Variants in MPRIP observed in about 807,000 individuals in gnomAD.
The protein encoded by MPRIP is myosin phosphatase Rho-interacting protein.
In MPRIP, 59 loss-of-function variants were observed where a neutral mutation model predicts 234.9. The observed-to-expected ratio is 0.25, with a 90% CI of 0.20 to 0.31. The LOEUF is 0.31. MPRIP is among the 10% of genes least tolerant of loss of function. The probability of loss-of-function intolerance (pLI) is 1.00; values close to 1 mark genes in which losing one functional copy is unlikely to be tolerated. For missense variants in MPRIP, 2,436 were observed against 3,071.0 expected (o/e 0.79, Z 4.89); for synonymous variants, 1,144 against 1,263.9 (o/e 0.91, Z 2.01).
rs919363155 is a variant in MPRIP, at chr17:17,165,708, A to G, written c.4117A>G (p.Thr1373Ala). 8 of 1,304,958 alleles carry G rather than the reference A, an allele frequency of 6.1e-6. No homozygotes were observed. The highest frequency in any genetic ancestry group is 6.1e-5 in the African/African-American group (4 of 65,878). The allele number at this position is 1,304,958 out of a possible 1,614,324, so 80.8% of individuals were successfully genotyped here. A position where few individuals can be genotyped will look rare whatever the true frequency, so the allele number is the denominator to read the frequency against. Residue 1373 changes from threonine to alanine, a missense_variant, in exon 16 of 24, where the codon ACT (threonine) becomes GCT (alanine). By Grantham distance (58) the Thr-to-Ala change is moderately conservative (BLOSUM62 0). Around this residue, in one of 4 missense-constraint regions of MPRIP, gnomAD observed 1,998 missense variants for 2,520.3 expected, o/e 0.79. Coordinates refer to ENST00000651222, the MANE Select transcript of MPRIP (RefSeq NM_001364716.4). ...SEPAPSVLPA[T>A]GDSDTYLSII... ...GCCTGCACCCAGTGTACTGCCTGCA[A>G]CTGGCGACTCTGACACGTACCTCTC...
Position 17,078,850 on chromosome 17 carries a change from C to T in MPRIP, c.267+774C>T, listed in dbSNP as rs771295592. ...AAGGGTTGAAGATGCGAGATTTGAT[C>T]GCCTTTTCCAGTTCCACTTGGTGGG... On this transcript the variant is annotated intron_variant, in intron 3 of 23. Transcript: ENST00000651222. This position sits in a 1 kb window ranked among gnomAD's most constrained non-coding sequence, Gnocchi z 4.3. Among the ~76,000 whole-genome samples the T allele has an allele frequency of 2.0e-5, 3 of 152,302 alleles. No individual in the cohort carries two copies. Among genetic ancestry groups the T allele is most frequent in the East Asian group, 3.9e-4 (2 of 5,182 alleles).
At chr17:17,049,438 TCA>T (rs201044243) in intron 1 of MPRIP, among the ~76,000 whole-genome samples, 1 of 152,082 alleles carries the variant, frequency 6.6e-6, no homozygotes, top group Non-Finnish European at 1.5e-5. Flanking sequence ...AATCGCTCTC[TCA>T]CACACACACA....
chr17:17,047,947 A>C (rs1352551245), intron 1 of MPRIP, among the ~76,000 whole-genome samples: 4 of 152,088 alleles, frequency 2.6e-5, no homozygotes, highest in Non-Finnish European at 5.9e-5. Context: ...AAAGGGGAGC[A>C]GGTGCAGAGG....
At chr17:17,136,569 C>T (rs1051164012) in intron 6 of MPRIP, 119 bp downstream of exon 6, 18 of 963,202 alleles carry the variant, frequency 1.9e-5, no homozygotes, top group Non-Finnish European at 2.5e-5. Context: ...CCTCGATTCC[C>T]TTTGTCCATC....
intron 3 of MPRIP, among the ~76,000 whole-genome samples, chr17:17,119,896 T>C (rs2090356197): frequency 6.6e-6 from 1 of 152,256 alleles, no homozygotes. Context: ...GTGTGTGTGC[T>C]CATCATGGTG....
intron 3 of MPRIP, among the ~76,000 whole-genome samples, chr17:17,114,103 G>A (rs554693280): frequency 6.6e-6 from 1 of 152,130 alleles, no homozygotes; most frequent in African/African-American, 2.4e-5. Flanking sequence ...ATCTTGCCCA[G>A]GTTGGTCTCA....
chr17:17,047,097 C>A (rs1449126738), intron 1 of MPRIP, among the ~76,000 whole-genome samples: 1 of 152,192 alleles, frequency 6.6e-6, no homozygotes, highest in African/African-American at 2.4e-5. Flanking sequence ...ACGAGAATTG[C>A]TTGAACCCAG....
Position 17,184,804 on chromosome 17 carries a change from CT to C in MPRIP, c.7207-18del. On this transcript the variant is annotated intron_variant, in intron 23 of 23. Transcript: ENST00000651222. ...CTAACGGTGTGTTTATTTTCTCCTC[CT>C]GCTCTGTCTCTACCCAGAGTCTGAA... The C allele has an allele frequency of 6.2e-7, 1 of 1,603,786 alleles. No individual in the cohort carries two copies. The highest frequency in any genetic ancestry group is 8.5e-7 in the Non-Finnish European group (1 of 1,171,516).
At chr17:17,145,265 C>T (rs564158511) in intron 9 of MPRIP, among the ~76,000 whole-genome samples, 64 of 152,182 alleles carry the variant, frequency 4.2e-4, no homozygotes, top group Non-Finnish European at 7.8e-4. Flanking sequence ...ACTCTCACTC[C>T]TTGGAATAAT....
chr17:17,111,930 T>G (rs1489187732), intron 3 of MPRIP, among the ~76,000 whole-genome samples: 2 of 152,122 alleles, frequency 1.3e-5, no homozygotes, highest in African/African-American at 2.4e-5. Flanking sequence ...TTGTTTAGCT[T>G]GCCCGACTGC....
chr17:17,082,155 G>T (rs1336864275), intron 3 of MPRIP, among the ~76,000 whole-genome samples: 1 of 152,132 alleles, frequency 6.6e-6, no homozygotes, highest in Non-Finnish European at 1.5e-5. Context: ...AAGGCTCTTG[G>T]GAGGAGCTCC....
chr17:17,172,595 A>C, intron 17 of MPRIP, 103 bp from the exon 18 acceptor site: 1 of 820,932 alleles, frequency 1.2e-6, no homozygotes, highest in Non-Finnish European at 2.0e-6. Flanking sequence ...AGCAAGCATC[A>C]GCAGTGGCAG....
At chr17:17,130,870 G>T (rs1419247657) in intron 4 of MPRIP, among the ~76,000 whole-genome samples, 1 of 152,216 alleles carries the variant, frequency 6.6e-6, no homozygotes, top group Non-Finnish European at 1.5e-5. Flanking sequence ...TATGGTGGAA[G>T]TAGTTGTGCC....
At chr17:17,161,099 G>T (rs74570425) in intron 14 of MPRIP, 141 bp from the exon 15 acceptor site, 177 of 555,246 alleles carry the variant, frequency 3.2e-4, no homozygotes, top group Admixed American at 9.3e-4. Context: ...GCTGGTAAAG[G>T]CCATATCAGC....
Position 17,167,380 on chromosome 17 carries a change from T to C in MPRIP, c.5789T>C (p.Leu1930Pro). The C allele has an allele frequency of 3.1e-6, 4 of 1,304,040 alleles. No homozygotes were observed. The highest frequency in any genetic ancestry group is 4.0e-6 in the Non-Finnish European group (4 of 988,924). 80.8% of individuals were successfully genotyped at this position (1,304,040 alleles called of 1,614,324 possible). Residue 1930 changes from leucine to proline, a missense_variant, in exon 16 of 24, where the codon CTG (leucine) becomes CCG (proline). Physicochemically the swap from Leu to Pro is moderately conservative, Grantham distance 98 (BLOSUM62 -3). Coordinates refer to ENST00000651222, the MANE Select transcript of MPRIP (RefSeq NM_001364716.4). The surrounding 1 kb of genome is among the most constrained non-coding windows in gnomAD (Gnocchi z 5.9). ...AAQLDHQQQC[L>P]EDAESKHSMS... ...CAGCTAGACCATCAGCAGCAGTGTC[T>C]GGAGGATGCAGAGAGCAAGCACAGC... is the stretch of plus-strand genomic sequence containing the variant.
intron 3 of MPRIP, among the ~76,000 whole-genome samples, chr17:17,105,107 T>C (rs1567717591): frequency 6.6e-6 from 1 of 152,192 alleles, no homozygotes; most frequent in Non-Finnish European, 1.5e-5. Flanking sequence ...AAATAGACTT[T>C]TGTTGTTCAT....
At chr17:17,067,791 T>TA (rs1491117392) in intron 1 of MPRIP, among the ~76,000 whole-genome samples, 1 of 16,156 alleles carries the variant, frequency 6.2e-5, no homozygotes, top group Admixed American at 6.0e-4. Context: ...TTCTTCTTCC[T>TA]TTTTTTTTTT....
Position 17,167,791 on chromosome 17 carries a change from G to A in MPRIP, c.6200G>A (p.Arg2067Lys). 7.7e-7 allele frequency: 1 copy of A among 1,304,282 alleles called. No homozygotes were observed. The highest frequency in any genetic ancestry group is 1.0e-6 in the Non-Finnish European group (1 of 988,964). 80.8% of individuals were successfully genotyped at this position (1,304,282 alleles called of 1,614,324 possible). A position where few individuals can be genotyped will look rare whatever the true frequency, so the allele number is the denominator to read the frequency against. Residue 2067 changes from arginine to lysine, a missense_variant, in exon 16 of 24, where the codon AGG (arginine) becomes AAG (lysine). Transcript: ENST00000651222. This position sits in a 1 kb window ranked among gnomAD's most constrained non-coding sequence, Gnocchi z 5.9. ...GAGGCTGACTCCATGACGGGGCTGA[G>A]GGAGCGCATCCAGGAGCTGGAGGCC... is the stretch of plus-strand genomic sequence containing the variant. ...QGEADSMTGLRERIQELEAQM... is the reference protein window; with the variant it reads ...QGEADSMTGLKERIQELEAQM...
chr17:17,152,835 A>AG (rs1021428389), intron 12 of MPRIP, among the ~76,000 whole-genome samples: 18 of 152,330 alleles, frequency 1.2e-4, no homozygotes, highest in African/African-American at 4.3e-4. Flanking sequence ...AGCACCTGGG[A>AG]GGAAGAGGTG....
Sources: gnomAD v4.1 joint callset for allele counts (sites outside exome capture counted in the v4.1 genomes callset) on GRCh38, gnomAD v4.1.1 for gene constraint, gnomAD v4.1.1 regional missense constraint, Gnocchi (gnomAD v3.1) non-coding constraint, MANE v1.5 for transcripts, NCBI Gene and HGNC (gene_info 2026-07-23, HGNC 2026-07-21) for gene names.